CFAP54: variants seen among roughly 807,000 people sequenced by gnomAD.
CFAP54 encodes the protein cilia- and flagella-associated protein 54.
CFAP54 carries 290 observed loss-of-function variants against 370.4 expected under a neutral mutation model. The observed-to-expected ratio is 0.78, with a 90% CI of 0.71 to 0.86. CFAP54 has a LOEUF of 0.86. CFAP54 is among the 40% of genes least tolerant of loss of function. The pLI, the probability that CFAP54 is intolerant of heterozygous loss-of-function variation, is 0.00. For synonymous variants in CFAP54, 1,206 were observed against 1,236.5 expected (o/e 0.98, Z 0.52); for missense variants, 3,399 against 3,528.7 (o/e 0.96, Z 0.93).
intron 48 of CFAP54, among the ~76,000 whole-genome samples, chr12:96,712,972 C>G (rs926766269): frequency 6.6e-5 from 10 of 151,972 alleles, no homozygotes; most frequent in African/African-American, 2.4e-4. Flanking sequence ...AAATGCAAAT[C>G]AAAACCACAA....
chr12:96,733,464 TAAG>T (rs1379756747), intron 50 of CFAP54, among the ~76,000 whole-genome samples: 1 of 151,848 alleles, frequency 6.6e-6, no homozygotes, highest in Non-Finnish European at 1.5e-5. Flanking sequence ...TGAATGCTAA[TAAG>T]AAATAAATGG....
In CFAP54 at chr12:96,554,286, A is replaced by G; in HGVS notation, c.2259A>G (p.Ser753=). Residue 753 remains serine (S), a synonymous_variant, in exon 16 of 68, where the codon TCA becomes TCG. Transcript: ENST00000524981. The part of the protein sequence containing the change: ...CMLTSLPNGS[S]VIDHCYAKRT... Reference sequence around the variant, plus strand: ...TAACCTCTTTGCCAAATGGATCATCAGTAATTGACCACTGCTATGCCAAGG... The same window carrying G: ...TAACCTCTTTGCCAAATGGATCATCGGTAATTGACCACTGCTATGCCAAGG... 2 of 1,527,654 alleles carry G rather than the reference A, an allele frequency of 1.3e-6. No individual in the cohort carries two copies. Among genetic ancestry groups the G allele is most frequent in the Non-Finnish European group, 1.7e-6 (2 of 1,143,286 alleles). The allele number at this position is 1,527,654 out of a possible 1,614,324, so 94.6% of individuals were successfully genotyped here.
chr12:96,728,420 A>G (rs1287529202), intron 50 of CFAP54, among the ~76,000 whole-genome samples: 3 of 151,884 alleles, frequency 2.0e-5, no homozygotes, highest in East Asian at 3.9e-4. Flanking sequence ...GCTTCATTTC[A>G]TTCATTTCAT....
chr12:96,712,754 A>G (rs887520057), intron 48 of CFAP54, among the ~76,000 whole-genome samples: 49 of 152,140 alleles, frequency 3.2e-4, no homozygotes, highest in Admixed American at 2.9e-3. Flanking sequence ...TAGCTCTCAC[A>G]TATGAGTGAG....
intron 15 of CFAP54, among the ~76,000 whole-genome samples, chr12:96,549,700 A>G (rs1033839178): frequency 2.0e-5 from 3 of 152,220 alleles, no homozygotes; most frequent in Non-Finnish European, 4.4e-5. Context: ...GAAAATTATA[A>G]TAGTACCTAT....
chr12:96,641,405 G>A (rs1018331727), intron 32 of CFAP54, among the ~76,000 whole-genome samples: 24 of 152,048 alleles, frequency 1.6e-4, no homozygotes, highest in Admixed American at 7.2e-4. Flanking sequence ...TTAGAATGGC[G>A]ATCATTAAAA....
chr12:96,662,385 A>G (rs577500184), intron 38 of CFAP54, among the ~76,000 whole-genome samples: 2 of 152,048 alleles, frequency 1.3e-5, no homozygotes, highest in Non-Finnish European at 2.9e-5. Flanking sequence ...TTGTATTTTT[A>G]GTAGAGATGG....
intron 49 of CFAP54, among the ~76,000 whole-genome samples, chr12:96,719,048 AACAAC>A (rs1436505633): frequency 2.0e-5 from 3 of 152,078 alleles, no homozygotes; most frequent in Non-Finnish European, 4.4e-5. Context: ...CAAAAAAAAA[AACAAC>A]AAAGAAACAT....
intron 20 of CFAP54, among the ~76,000 whole-genome samples, chr12:96,579,959 A>G (rs1018341089): frequency 6.6e-6 from 1 of 151,844 alleles, no homozygotes; most frequent in Non-Finnish European, 1.5e-5. Context: ...GGAGAAAAAA[A>G]TTGGCCCATT....
intron 65 of CFAP54, among the ~76,000 whole-genome samples, chr12:96,826,771 TATAATATATAATTATAA>T (rs1156969877): frequency 1.1e-4 from 12 of 112,008 alleles, no homozygotes; most frequent in African/African-American, 4.5e-4. Flanking sequence ...TAATATATTA[TATAATATATAATTATAA>T]ATAATATATA....
At chr12:96,788,620 C>A (rs888904180) in intron 62 of CFAP54, among the ~76,000 whole-genome samples, 2 of 152,138 alleles carry the variant, frequency 1.3e-5, no homozygotes, top group South Asian at 4.1e-4. Flanking sequence ...TCTTATCCTA[C>A]TAGAATATAG....
Position 96,700,052 on chromosome 12 carries a change from T to C in CFAP54, c.6433T>C (p.Cys2145Arg). 1 of 1,609,642 alleles carries C rather than the reference T, an allele frequency of 6.2e-7. No homozygotes were observed. Among genetic ancestry groups the C allele is most frequent in the South Asian group, 1.1e-5 (1 of 89,608 alleles). ...SQIFYGKNMP[C>R]PIPAGYKATG... ...AATTTTCTATGGAAAAAACATGCCT[T>C]GTCCAATACCTGCAGGCTATAAAGC... is the stretch of plus-strand genomic sequence containing the variant. The change falls in exon 46 of 68, where the codon TGT (cysteine) becomes CGT (arginine). Residue 2145 changes from cysteine (C) to arginine (R), a missense_variant. Cys to Arg is a radical substitution (Grantham distance 180, BLOSUM62 -3). Around this residue, in one of 3 missense-constraint regions of CFAP54, gnomAD observed 2,796 missense variants for 2,869.7 expected, o/e 0.97. Transcript: ENST00000524981.
In CFAP54 at chr12:96,533,815, A is replaced by G; in HGVS notation, c.1381A>G (p.Met461Val). ...AGTGTCAAATATTGGTGCAGATGGA[A>G]TGCTTGATTTTCCAAAAACATCTCT... ...LIMSNIGADG[M>V]LDFPKTSLLE... Residue 461 changes from methionine (M) to valine (V), a missense_variant, in exon 10 of 68, where the codon ATG becomes GTG. Physicochemically the swap from Met to Val is conservative, Grantham distance 21. This residue lies in a region of CFAP54 where 559 missense variants were observed against 576.7 expected (regional missense o/e 0.97). Coordinates refer to ENST00000524981, the MANE Select transcript of CFAP54 (RefSeq NM_001306084.2). 1 of 1,527,956 alleles carries G rather than the reference A, an allele frequency of 6.5e-7. No individual in the cohort carries two copies. Among genetic ancestry groups the G allele is most frequent in the Non-Finnish European group, 8.7e-7 (1 of 1,144,622 alleles). 94.6% of individuals were successfully genotyped at this position (1,527,956 alleles called of 1,614,324 possible).
At chr12:96,713,102 G>A (rs1251366562) in intron 48 of CFAP54, among the ~76,000 whole-genome samples, 1 of 152,146 alleles carries the variant, frequency 6.6e-6, no homozygotes, top group African/African-American at 2.4e-5. Context: ...ATGTAAATTA[G>A]TACAACAACT....
chr12:96,743,059 G>A (rs148854086), intron 52 of CFAP54, among the ~76,000 whole-genome samples: 1 of 152,246 alleles, frequency 6.6e-6, no homozygotes, highest in African/African-American at 2.4e-5. Flanking sequence ...AATTTATACT[G>A]TTCTTAGATC....
chr12:96,829,800 C>T (rs983262777), intron 66 of CFAP54, among the ~76,000 whole-genome samples: 1 of 151,972 alleles, frequency 6.6e-6, no homozygotes, highest in Non-Finnish European at 1.5e-5. Context: ...CAACCGTCAC[C>T]GCTGTCTATC....
At chr12:96,584,808 C>T (rs1051631831) in intron 22 of CFAP54, among the ~76,000 whole-genome samples, 10 of 152,214 alleles carry the variant, frequency 6.6e-5, no homozygotes, top group Non-Finnish European at 1.0e-4. Flanking sequence ...AGGTCTCATA[C>T]TTCTGGTTCA....
At chr12:96,800,796 C>T (rs1245089608) in intron 63 of CFAP54, among the ~76,000 whole-genome samples, 1 of 152,152 alleles carries the variant, frequency 6.6e-6, no homozygotes, top group African/African-American at 2.4e-5. Context: ...CATTTCACAG[C>T]AACTCTATAA....
intron 32 of CFAP54, 25 bp from the exon 33 acceptor site, chr12:96,644,153 T>C: frequency 6.9e-7 from 1 of 1,451,512 alleles, no homozygotes; most frequent in Non-Finnish European, 9.2e-7. Context: ...TTGTGTAATT[T>C]CAAAACTTCT....
Sources: allele counts gnomAD v4.1 joint callset (sites outside exome capture counted in the v4.1 genomes callset), GRCh38; gene constraint gnomAD v4.1.1; regional missense constraint gnomAD v4.1.1; transcripts MANE v1.5; gene names NCBI Gene and HGNC (gene_info 2026-07-23, HGNC 2026-07-21).